The following ADAMTS7 variants were observed in gnomAD, a reference collection of about 807,000 sequenced individuals.
ADAMTS7 encodes the protein ADAM metallopeptidase with thrombospondin type 1 motif 7.
Under a neutral mutation model 172.6 loss-of-function variants are expected in ADAMTS7, and 89 were observed. That is an observed-to-expected ratio of 0.52 (90% CI 0.43 to 0.61). ADAMTS7 has a LOEUF of 0.61. Among genes scored for constraint, ADAMTS7 ranks in the 20% least tolerant of loss-of-function variants. The pLI is 0.00. For missense variants in ADAMTS7, 1,973 were observed against 2,355.6 expected (o/e 0.84, Z 3.36); for synonymous variants, 885 against 978.4 (o/e 0.90, Z 1.78).
chr15:78,766,058 G>A lies in ADAMTS7; in HGVS notation c.3853C>T (p.Pro1285Ser). The A allele has an allele frequency of 6.2e-7, 1 of 1,608,032 alleles. No individual in the cohort carries two copies. Among genetic ancestry groups the A allele is most frequent in the Non-Finnish European group, 8.5e-7 (1 of 1,179,956 alleles). ...AGGAGAGAAGCCACCCCAACAGTGG[G>A]CCACAGTTCACTGTCCACAGGCCCC... ...GLGPVDSELW[P>S]TVGVASLLPP... is the part of the protein sequence containing the mutation. Residue 1285 changes from proline (P) to serine (S), a missense_variant, in exon 19 of 24, where the codon CCC becomes TCC. Physicochemically the swap from Pro to Ser is moderately conservative, Grantham distance 74 (BLOSUM62 -1). Transcript: ENST00000388820.
At chr15:78,800,669 C>T in intron 1 of ADAMTS7, 122 bp from the exon 2 acceptor site, 3 of 862,754 alleles carry the variant, frequency 3.5e-6, no homozygotes, top group South Asian at 3.1e-5. Flanking sequence ...GGATTCAAAT[C>T]CTCGCCGGGC....
intron 4 of ADAMTS7, among the ~76,000 whole-genome samples, chr15:78,795,805 C>T (rs770051813): frequency 2.4e-4 from 36 of 152,206 alleles, no homozygotes; most frequent in Non-Finnish European, 2.6e-4. Context: ...GAGGCCTCCA[C>T]GGGCACCCAC....
In ADAMTS7 at chr15:78,762,425, A is replaced by G. The variant is rs1448010034; in HGVS notation, c.4881T>C (p.Asp1627=). The G allele has an allele frequency of 4.6e-6, 7 of 1,512,326 alleles. No individual in the cohort carries two copies. Among genetic ancestry groups the G allele is most frequent in the African/African-American group, 1.4e-5 (1 of 70,692 alleles). 93.7% of individuals were successfully genotyped at this position (1,512,326 alleles called of 1,614,324 possible). The change falls in exon 23 of 24, where the codon GAT becomes GAC. Residue 1627 remains aspartate, a synonymous_variant. Coordinates refer to ENST00000388820, the MANE Select transcript of ADAMTS7 (RefSeq NM_014272.5). The part of the protein sequence containing the change: ...PESSRPCGTE[D]CEPVEPPRCE... ...CACGGGGAGGCTCGACGGGCTCACA[A>G]TCCTCGGTGCCACACGGCCGGGAGC...
rs888575747 is a variant in ADAMTS7, at chr15:78,771,985, C to T, written c.2132-156G>A. On this transcript the variant is annotated intron_variant, in intron 14 of 23. Transcript: ENST00000388820. This position sits in a 1 kb window ranked among gnomAD's most constrained non-coding sequence, Gnocchi z 4.9. The stretch of plus-strand genomic sequence containing the variant: ...AATTGCTCGGATCTGTCATGGGTCA[C>T]CAAAACCTCGCAGAGGTGCCACAAA... Among the ~76,000 whole-genome samples, 2 of 152,172 alleles carry T rather than the reference C, an allele frequency of 1.3e-5. No individual in the cohort carries two copies. The highest frequency in any genetic ancestry group is 2.4e-5 in the African/African-American group (1 of 41,430).
In ADAMTS7 at chr15:78,800,452, C is replaced by T. The variant is rs761326054; in HGVS notation, c.196G>A (p.Ala66Thr). 4 of 1,610,708 alleles carry T rather than the reference C, an allele frequency of 2.5e-6. No homozygotes were observed. In the African/African-American group the frequency reaches 4.0e-5, roughly 16 times the overall value. ...SFLSYELWPR[A>T]LRKRDVSVRR... ...ACAGATACATCCCGCTTGCGCAGTG[C>T]GCGGGGCCACAGCTCGTAGGACAGG... Residue 66 changes from alanine (A) to threonine (T), a missense_variant, in exon 2 of 24, where the codon GCA (alanine) becomes ACA (threonine). Physicochemically the swap from Ala to Thr is moderately conservative, Grantham distance 58 (BLOSUM62 0). Around this residue, in one of 8 missense-constraint regions of ADAMTS7, gnomAD observed 306 missense variants for 288.0 expected, o/e 1.06. Transcript: ENST00000388820.
chr15:78,777,705 G>A lies in ADAMTS7; in HGVS notation c.1323-117C>T, dbSNP rs2055371415. 11 of 1,313,986 alleles carry A rather than the reference G, an allele frequency of 8.4e-6. No individual in the cohort carries two copies. The South Asian group carries it at 1.5e-4, about 17-fold the overall frequency. 81.4% of individuals were successfully genotyped at this position (1,313,986 alleles called of 1,614,324 possible). A position where few individuals can be genotyped will look rare whatever the true frequency, so the allele number is the denominator to read the frequency against. On this transcript the variant is annotated intron_variant, in intron 8 of 23. Coordinates refer to ENST00000388820, the MANE Select transcript of ADAMTS7 (RefSeq NM_014272.5). ...GGGGGCACAGAGCCCTACAACTGTA[G>A]GAAACTCCAGCCTCCCCGCTCGGCT...
rs573919108 is a variant in ADAMTS7 at position 78,776,446 on chromosome 15, G to A, written c.1561-113C>T. 348 of 1,430,850 alleles carry A rather than the reference G, an allele frequency of 2.4e-4. No homozygotes were observed. The Middle Eastern group carries it at 6.8e-3, about 28-fold the overall frequency. The allele number at this position is 1,430,850 out of a possible 1,614,324, so 88.6% of individuals were successfully genotyped here. A position where few individuals can be genotyped will look rare whatever the true frequency, so the allele number is the denominator to read the frequency against. On this transcript the variant is annotated intron_variant, in intron 10 of 23. Transcript: ENST00000388820. ...TGCGAAAGGCACAGAGGGGAAGGAT[G>A]GAAGGTGAGAGAGGCACCCTCACAA... is the stretch of plus-strand genomic sequence containing the variant.
chr15:78,798,109 C>T lies in ADAMTS7; in HGVS notation c.461G>A (p.Gly154Asp), dbSNP rs1381292012. The stretch of plus-strand genomic sequence containing the variant: ...GTCCTCGTTGGAGAGCTGGAACACA[C>T]CTTTCTGGGGAAGAAGCACCAGGGT... ...AAISACDGLK[G>D]VFQLSNEDYF... Residue 154 changes from glycine (G) to aspartate (D), a missense_variant, in exon 3 of 24, where the codon GGT becomes GAT. Coordinates refer to ENST00000388820, the MANE Select transcript of ADAMTS7 (RefSeq NM_014272.5). The T allele has an allele frequency of 6.5e-7, 1 of 1,550,378 alleles. No individual in the cohort carries two copies. The highest frequency in any genetic ancestry group is 1.4e-5 in the African/African-American group (1 of 70,192).
At chr15:78,777,180 T>C in intron 9 of ADAMTS7, 2 of 582,206 alleles carry the variant, frequency 3.4e-6, no homozygotes, top group East Asian at 2.9e-5. Flanking sequence ...TTTTCCCTCT[T>C]ATAAGCCAGC....
chr15:78,773,939 A>C (rs140596958), intron 13 of ADAMTS7, among the ~76,000 whole-genome samples: 1 of 152,194 alleles, frequency 6.6e-6, no homozygotes, highest in Non-Finnish European at 1.5e-5. Flanking sequence ...CAGTGCCAGG[A>C]GGCGTGGTAG....
At chr15:78,795,548 C>T (rs906576207) in intron 4 of ADAMTS7, among the ~76,000 whole-genome samples, 5 of 152,156 alleles carry the variant, frequency 3.3e-5, no homozygotes, top group African/African-American at 1.2e-4. Context: ...TGCATGATCT[C>T]AGAGGGTACT....
rs375368981 is a variant in ADAMTS7, at chr15:78,766,872, G to C, written c.3039C>G (p.His1013Gln). The change falls in exon 19 of 24, where the codon CAC becomes CAG. Residue 1013 changes from histidine to glutamine, a missense_variant. By Grantham distance (24) the His-to-Gln change is conservative (BLOSUM62 0). Around this residue, in one of 8 missense-constraint regions of ADAMTS7, gnomAD observed 771 missense variants for 952.6 expected, o/e 0.81. Coordinates refer to ENST00000388820, the MANE Select transcript of ADAMTS7 (RefSeq NM_014272.5). ...PEGSGSGSSS[H>Q]ELFNEADFIP... ...TGAAGTCAGCCTCGTTGAAGAGCTCGTGGCTGGAGGAGCCGCTGCCTGAGC... is the reference window on the plus strand; with the variant it reads ...TGAAGTCAGCCTCGTTGAAGAGCTCCTGGCTGGAGGAGCCGCTGCCTGAGC... The C allele has an allele frequency of 2.5e-6, 4 of 1,609,324 alleles. No individual in the cohort carries two copies. Among genetic ancestry groups the C allele is most frequent in the East Asian group, 2.2e-5 (1 of 44,858 alleles).
rs978413206 is a variant in ADAMTS7, at chr15:78,798,213, C to T, written c.457-100G>A. On this transcript the variant is annotated intron_variant, in intron 2 of 23. Transcript: ENST00000388820. ...TCCTGCTCAGCTGAGCCCCCACTGC[C>T]CACACCACCTGTGACTGCCCGCGGA... The T allele has an allele frequency of 2.2e-4, 273 of 1,213,440 alleles. 2 individuals carry two copies. Among genetic ancestry groups the T allele is most frequent in the Middle Eastern group, 2.8e-4 (1 of 3,510 alleles). 75.2% of individuals were successfully genotyped at this position (1,213,440 alleles called of 1,614,324 possible). A position where few individuals can be genotyped will look rare whatever the true frequency, so the allele number is the denominator to read the frequency against.
chr15:78,803,985 C>T (rs1313926835), intron 1 of ADAMTS7, among the ~76,000 whole-genome samples: 2 of 152,176 alleles, frequency 1.3e-5, no homozygotes, highest in South Asian at 2.1e-4. Context: ...CCTCAGTTCA[C>T]GGTCCCTTAG....
At chr15:78,801,975 G>A (rs1251524422) in intron 1 of ADAMTS7, among the ~76,000 whole-genome samples, 4 of 152,092 alleles carry the variant, frequency 2.6e-5, no homozygotes, top group African/African-American at 7.2e-5. Flanking sequence ...TTACAGGCGT[G>A]AGGCACCAAG....
chr15:78,788,388 C>T lies in ADAMTS7; in HGVS notation c.1179-14G>A. 1 of 1,611,672 alleles carries T rather than the reference C, an allele frequency of 6.2e-7. No individual in the cohort carries two copies. Among genetic ancestry groups the T allele is most frequent in the Non-Finnish European group, 8.5e-7 (1 of 1,179,498 alleles). On this transcript the variant is annotated splice_polypyrimidine_tract_variant and intron_variant, in intron 7 of 23. Coordinates refer to ENST00000388820, the MANE Select transcript of ADAMTS7 (RefSeq NM_014272.5). ...TGAATGCCAAAACTGTGTGAGAGCACAGGCCCCAGGGGCGGGTGAGCCGGC... is the reference window on the plus strand; with the variant it reads ...TGAATGCCAAAACTGTGTGAGAGCATAGGCCCCAGGGGCGGGTGAGCCGGC...
At chr15:78,764,534 C>T (rs2055107867) in intron 20 of ADAMTS7, 21 bp downstream of exon 20, 10 of 1,535,610 alleles carry the variant, frequency 6.5e-6, no homozygotes, top group Non-Finnish European at 8.7e-6. Flanking sequence ...GAATGCCTGT[C>T]CTGGCTCCAT....
rs796460511 is a variant in ADAMTS7, at chr15:78,806,139, A to C, written c.100+4982T>G. Among the ~76,000 whole-genome samples, 236 of 129,710 alleles carry C rather than the reference A, an allele frequency of 1.8e-3. 1 individual carries two copies. Among genetic ancestry groups the C allele is most frequent in the African/African-American group, 6.5e-3 (202 of 31,238 alleles). The allele number at this position is 129,710 out of a possible 152,430, so 85.1% of individuals were successfully genotyped here. A position where few individuals can be genotyped will look rare whatever the true frequency, so the allele number is the denominator to read the frequency against. ...ACACACACACACACAAAAAAAAAAA[A>C]AAAAAAAAAAAAAAAACAGAAAAAT... On this transcript the variant is annotated intron_variant, in intron 1 of 23. Transcript: ENST00000388820.
At chr15:78,803,716 G>T (rs921665210) in intron 1 of ADAMTS7, among the ~76,000 whole-genome samples, 1 of 152,216 alleles carries the variant, frequency 6.6e-6, no homozygotes, top group Non-Finnish European at 1.5e-5. Context: ...GACTCCAAAA[G>T]TGCTAGGATT....
Sources: gnomAD v4.1 joint callset for allele counts (sites outside exome capture counted in the v4.1 genomes callset) on GRCh38, gnomAD v4.1.1 for gene constraint, gnomAD v4.1.1 regional missense constraint, Gnocchi (gnomAD v3.1) non-coding constraint, MANE v1.5 for transcripts, NCBI Gene and HGNC (gene_info 2026-07-23, HGNC 2026-07-21) for gene names.